Variants in RB1 observed in about 807,000 individuals in gnomAD.
RB1 encodes retinoblastoma-associated protein.
In RB1, 18 loss-of-function variants were observed where a neutral mutation model predicts 135.4. That is an observed-to-expected ratio of 0.13 (90% CI 0.09 to 0.20). RB1 has a LOEUF of 0.20. Ranked by LOEUF, RB1 falls within the 10% of genes least tolerant of loss-of-function variation. The pLI, the probability that RB1 is intolerant of heterozygous loss-of-function variation, is 1.00. For missense variants in RB1, 868 were observed against 1,110.0 expected (o/e 0.78, Z 3.10); for synonymous variants, 365 against 373.2 (o/e 0.98, Z 0.25).
At chr13:48,370,371 T>TGGA (rs138753099) in intron 11 of RB1, among the ~76,000 whole-genome samples, 138 of 152,260 alleles carry the variant, frequency 9.1e-4, no homozygotes, top group Middle Eastern at 3.4e-3. Context: ...ACTGCTTACC[T>TGGA]GGAGATAGTG....
intron 14 of RB1, 31 bp from the exon 15 acceptor site, chr13:48,380,022 T>TG: frequency 1.7e-6 from 2 of 1,208,332 alleles, no homozygotes; most frequent in Non-Finnish European, 2.3e-6. Flanking sequence ...TTAAACAACT[T>TG]CTTTTTTTTT....
chr13:48,322,774 T>C (rs1048791880), intron 2 of RB1, among the ~76,000 whole-genome samples: 4 of 152,214 alleles, frequency 2.6e-5, no homozygotes, highest in African/African-American at 9.6e-5. Flanking sequence ...TCTATTGATA[T>C]AATAATGTAG....
chr13:48,387,734 T>G (rs1311383884), intron 17 of RB1, among the ~76,000 whole-genome samples: 1 of 152,200 alleles, frequency 6.6e-6, no homozygotes, highest in African/African-American at 2.4e-5. Flanking sequence ...TTTAAATTTC[T>G]GTTTTAATTA....
chr13:48,412,375 A>G lies in RB1; in HGVS notation c.1695+30932A>G, dbSNP rs1356663646. On this transcript the variant is annotated intron_variant, in intron 17 of 26. Transcript: ENST00000267163. ...CTGAACATGCACCCATACAAAGTGTACTTAAAGGAGTCATTATAGAAGCAG... is the reference window on the plus strand; with the variant it reads ...CTGAACATGCACCCATACAAAGTGTGCTTAAAGGAGTCATTATAGAAGCAG... 2 of 1,613,900 alleles carry G rather than the reference A, an allele frequency of 1.2e-6. No individual in the cohort carries two copies. The highest frequency in any genetic ancestry group is 1.3e-5 in the African/African-American group (1 of 74,940).
chr13:48,405,172 A>G lies in RB1; in HGVS notation c.1695+23729A>G, dbSNP rs147844747. Among the ~76,000 whole-genome samples, 784 of 152,334 alleles carry G rather than the reference A, an allele frequency of 5.1e-3. 4 individuals carry two copies. The highest frequency in any genetic ancestry group is 8.2e-3 in the Non-Finnish European group (555 of 68,028). On this transcript the variant is annotated intron_variant, in intron 17 of 26. Coordinates refer to ENST00000267163, the MANE Select transcript of RB1 (RefSeq NM_000321.3). ...AAAAATCCTACGATGCAACAAGCCC[A>G]GAAAATGTTTGTTCCACATGAGAAA...
Position 48,464,958 on chromosome 13 carries a change from CTTTTTTT to C in RB1, c.2212-22_2212-16del, listed in dbSNP as rs553094345. The C allele has an allele frequency of 3.4e-3, 2,823 of 832,562 alleles. 33 individuals carry two copies. The African/African-American group carries it at 0.052, about 15-fold the overall frequency. The allele number at this position is 832,562 out of a possible 1,614,324, so 51.6% of individuals were successfully genotyped here. A position where few individuals can be genotyped will look rare whatever the true frequency, so the allele number is the denominator to read the frequency against. Reference sequence around the variant, plus strand: ...AAATTCATTTAACAAGTAAATTTTACTTTTTTTTTTTTTTTTTTTTTTTTACTGTTCT... The same window carrying C: ...AAATTCATTTAACAAGTAAATTTTACTTTTTTTTTTTTTTTTTACTGTTCT... On this transcript the variant is annotated intron_variant, in intron 21 of 26. Coordinates refer to ENST00000267163, the MANE Select transcript of RB1 (RefSeq NM_000321.3).
At chr13:48,326,725 C>T (rs142248890) in intron 2 of RB1, among the ~76,000 whole-genome samples, 2 of 152,162 alleles carry the variant, frequency 1.3e-5, no homozygotes, top group Admixed American at 6.5e-5. Flanking sequence ...AAGAGCTCAG[C>T]GAGCAGTTAC....
chr13:48,307,077 C>G (rs2138033252), intron 1 of RB1, among the ~76,000 whole-genome samples: 1 of 152,112 alleles, frequency 6.6e-6, no homozygotes, highest in South Asian at 2.1e-4. Flanking sequence ...GTGTGGTATC[C>G]TTATTTTGGA....
At chr13:48,368,157 G>A (rs576797229) in intron 10 of RB1, among the ~76,000 whole-genome samples, 13 of 152,140 alleles carry the variant, frequency 8.5e-5, no homozygotes, top group Admixed American at 4.6e-4. Flanking sequence ...TTTTATTTAA[G>A]TGGAAATAAA....
intron 2 of RB1, among the ~76,000 whole-genome samples, chr13:48,313,526 GTT>G (rs3085650): frequency 7.5e-6 from 1 of 133,334 alleles, no homozygotes; most frequent in Non-Finnish European, 1.6e-5. Context: ...GTTTTTTTTT[GTT>G]TTTTTTTTTT....
At chr13:48,372,463 G>T (rs992657475) in intron 11 of RB1, among the ~76,000 whole-genome samples, 2 of 152,050 alleles carry the variant, frequency 1.3e-5, no homozygotes, top group African/African-American at 4.8e-5. Flanking sequence ...TTCGAAACCA[G>T]CCTGGGCAAC....
intron 17 of RB1, among the ~76,000 whole-genome samples, chr13:48,424,407 G>A (rs1195751226): frequency 6.6e-6 from 1 of 152,214 alleles, no homozygotes; most frequent in Non-Finnish European, 1.5e-5. Flanking sequence ...TTGGATGGGA[G>A]TAGAAGAGGA....
intron 17 of RB1, among the ~76,000 whole-genome samples, chr13:48,384,611 G>A (rs754950211): frequency 3.3e-5 from 5 of 152,080 alleles, no homozygotes; most frequent in Admixed American, 2.0e-4. Flanking sequence ...AAAAATTCTC[G>A]TTAAAACTGT....
At chr13:48,460,585 G>A (rs1258190108) in intron 20 of RB1, among the ~76,000 whole-genome samples, 1 of 152,184 alleles carries the variant, frequency 6.6e-6, no homozygotes, top group African/African-American at 2.4e-5. Flanking sequence ...CCTATTGAAT[G>A]AATGAATGAA....
chr13:48,307,456 A>G (rs2138034791), intron 2 of RB1, 50 bp downstream of exon 2: 1 of 1,543,280 alleles, frequency 6.5e-7, no homozygotes, highest in Non-Finnish European at 8.9e-7. Flanking sequence ...CATTTTAAAA[A>G]CAACTTCAAA....
intron 2 of RB1, among the ~76,000 whole-genome samples, chr13:48,311,460 G>A (rs73487075): frequency 2.0e-5 from 3 of 152,118 alleles, no homozygotes; most frequent in Non-Finnish European, 4.4e-5. Flanking sequence ...CACCTATGCT[G>A]TGTGGTATAT....
At chr13:48,340,157 T>A (rs889751130) in intron 2 of RB1, among the ~76,000 whole-genome samples, 1 of 152,056 alleles carries the variant, frequency 6.6e-6, no homozygotes, top group African/African-American at 2.4e-5. Flanking sequence ...TAACCAGAAA[T>A]GAAGCATAGA....
intron 20 of RB1, among the ~76,000 whole-genome samples, chr13:48,461,760 A>T (rs1408360386): frequency 1.3e-5 from 2 of 151,822 alleles, no homozygotes; most frequent in African/African-American, 4.8e-5. Context: ...GCACCTTTTC[A>T]TGTGTTTACT....
intron 2 of RB1, among the ~76,000 whole-genome samples, chr13:48,311,557 T>G (rs1242347104): frequency 6.6e-6 from 1 of 151,832 alleles, no homozygotes; most frequent in Non-Finnish European, 1.5e-5. Context: ...TAAGTATTTG[T>G]ATATCTATAC....
Sources: gnomAD v4.1 joint callset for allele counts (sites outside exome capture counted in the v4.1 genomes callset) on GRCh38, gnomAD v4.1.1 for gene constraint, MANE v1.5 for transcripts, NCBI Gene and HGNC (gene_info 2026-07-23, HGNC 2026-07-21) for gene names.